The following IL31RA variants were observed in gnomAD, a reference collection of about 807,000 sequenced individuals.
IL31RA encodes interleukin-31 receptor subunit alpha.
In IL31RA, 66 loss-of-function variants were observed where a neutral mutation model predicts 83.7. That is an observed-to-expected ratio of 0.79 (90% CI 0.65 to 0.97). The LOEUF (loss-of-function observed/expected upper bound fraction) is 0.97, where lower values mean the gene tolerates loss of function less well. Among genes scored for constraint, IL31RA ranks in the 50% least tolerant of loss-of-function variants. IL31RA has a pLI of 0.00. For missense variants in IL31RA, 798 were observed against 919.4 expected, an observed-to-expected ratio of 0.87 and a Z score of 1.71; for synonymous variants, 325 against 329.0, an observed-to-expected ratio of 0.99 and a Z score of 0.13.
upstream of IL31RA, among the ~76,000 whole-genome samples, chr5:55,849,485 T>C (rs1385906644): frequency 6.6e-6 from 1 of 152,236 alleles, no homozygotes; most frequent in Non-Finnish European, 1.5e-5. Flanking sequence ...GAGCCACATA[T>C]TGGACTTTAA....
At chr5:55,904,998 G>A (rs1197545275) in intron 8 of IL31RA, among the ~76,000 whole-genome samples, 1 of 151,702 alleles carries the variant, frequency 6.6e-6, no homozygotes, top group African/African-American at 2.4e-5. Context: ...TCAGAAGTTT[G>A]AGACCAGCCT....
At chr5:55,851,306 G>A (rs964382522), upstream of IL31RA, 3 of 539,338 alleles carry the variant, frequency 5.6e-6, no homozygotes, top group Non-Finnish European at 1.0e-5. Context: ...ACAGTACTAT[G>A]ACTCATGCCT....
chr5:55,878,952 A>T (rs1747022855), intron 4 of IL31RA, among the ~76,000 whole-genome samples: 5 of 152,028 alleles, frequency 3.3e-5, no homozygotes, highest in African/African-American at 1.2e-4. Context: ...ATGCCCGGCC[A>T]CAGCTGCTTT....
intron 2 of IL31RA, among the ~76,000 whole-genome samples, chr5:55,862,588 T>C (rs542420899): frequency 1.3e-5 from 2 of 152,170 alleles, no homozygotes; most frequent in Non-Finnish European, 2.9e-5. Flanking sequence ...TTTGTATTTT[T>C]AGTAGAGATG....
intron 8 of IL31RA, among the ~76,000 whole-genome samples, chr5:55,905,396 G>A (rs1749085309): frequency 6.6e-6 from 1 of 152,096 alleles, no homozygotes; most frequent in Non-Finnish European, 1.5e-5. Flanking sequence ...TCTCTTCTGT[G>A]TGTTCGAATA....
upstream of IL31RA, among the ~76,000 whole-genome samples, chr5:55,847,234 A>AT: frequency 2.4e-5 from 1 of 42,200 alleles, no homozygotes; most frequent in African/African-American, 1.1e-4. Flanking sequence ...CAGAAAAAAA[A>AT]AAAAAAATAA....
At chr5:55,889,947 T>G (rs1443403639) in intron 5 of IL31RA, 23 bp from the exon 6 acceptor site, 4 of 1,612,940 alleles carry the variant, frequency 2.5e-6, no homozygotes, top group African/African-American at 2.7e-5. Context: ...CCATTTCAGT[T>G]TAGGATTGTC....
intron 4 of IL31RA, among the ~76,000 whole-genome samples, chr5:55,881,716 A>ATTTTTTTT (rs34217814): frequency 8.4e-5 from 5 of 59,650 alleles, no homozygotes; most frequent in African/African-American, 1.5e-4. Context: ...AGTTCCTGAG[A>ATTTTTTTT]TTTTTTTTTT....
intron 6 of IL31RA, 101 bp from the exon 7 acceptor site, chr5:55,896,249 C>T: frequency 2.5e-6 from 2 of 798,210 alleles, no homozygotes; most frequent in South Asian, 2.7e-5. Context: ...TTCCCAATGG[C>T]TCCCTCAAGC....
At chr5:55,849,246 T>C (rs1744999302), upstream of IL31RA, among the ~76,000 whole-genome samples, 1 of 151,854 alleles carries the variant, frequency 6.6e-6, no homozygotes, top group Admixed American at 6.6e-5. Flanking sequence ...TATTTCCATA[T>C]CTATAAAGAA....
chr5:55,866,404 C>G (rs187587815), intron 2 of IL31RA, among the ~76,000 whole-genome samples: 2 of 152,134 alleles, frequency 1.3e-5, no homozygotes, highest in East Asian at 3.9e-4. Context: ...CAGGATGAAA[C>G]CGTTCTACCT....
Position 55,922,515 on chromosome 5 carries a change from G to GA in IL31RA, c.*5397dup. On this transcript the variant is annotated 3_prime_UTR_variant, in exon 15 of 15. Transcript: ENST00000652347. ...GCAGAGTTTTCCAACTAGGAAGACT[G>GA]AATCTGTGGCCCCAAGAGAACCATC... 1 of 1,186,320 alleles carries GA rather than the reference G, an allele frequency of 8.4e-7. No homozygotes were observed. The highest frequency in any genetic ancestry group is 1.4e-5 in the South Asian group (1 of 71,274). 73.5% of individuals were successfully genotyped at this position (1,186,320 alleles called of 1,614,324 possible). A position where few individuals can be genotyped will look rare whatever the true frequency, so the allele number is the denominator to read the frequency against.
At chr5:55,910,813 A>G in intron 12 of IL31RA, 141 bp downstream of exon 12, 1 of 971,868 alleles carries the variant, frequency 1.0e-6, no homozygotes, top group Non-Finnish European at 1.7e-6. Flanking sequence ...CTGTTCACCA[A>G]CCTTCCTGGA....
At chr5:55,875,154 A>G (rs1746760479) in intron 4 of IL31RA, among the ~76,000 whole-genome samples, 1 of 152,168 alleles carries the variant, frequency 6.6e-6, no homozygotes, top group African/African-American at 2.4e-5. Flanking sequence ...TTTTATTAAA[A>G]TGGTGTCTTA....
intron 4 of IL31RA, among the ~76,000 whole-genome samples, chr5:55,882,198 T>C (rs1003339023): frequency 1.3e-5 from 2 of 152,230 alleles, no homozygotes; most frequent in Non-Finnish European, 2.9e-5. Context: ...AGCCCTCTCC[T>C]GTCCTTCTCA....
chr5:55,851,632 T>G lies in IL31RA; in HGVS notation c.62T>G (p.Ile21Ser), dbSNP rs142089239. 1.2e-6 allele frequency: 2 copies of G among 1,613,790 alleles called. No homozygotes were observed. Among genetic ancestry groups the G allele is most frequent in the Non-Finnish European group, 1.7e-6 (2 of 1,179,792 alleles). ...TACVCECPQN[I>S]LSPQPSCVNL... Reference sequence around the variant, plus strand: ...TGTGTCTGTGAATGTCCGCAAAACATTGTGAGTATTGATTTGGGGGGTTAC... The same window carrying G: ...TGTGTCTGTGAATGTCCGCAAAACAGTGTGAGTATTGATTTGGGGGGTTAC... Residue 21 changes from isoleucine (I) to serine (S), a missense_variant and splice_region_variant, in exon 1 of 15, where the codon ATT (isoleucine) becomes AGT (serine). By Grantham distance (142) the Ile-to-Ser change is moderately radical. Transcript: ENST00000652347.
Position 55,919,220 on chromosome 5 carries a change from G to A in IL31RA, c.*2100G>A, listed in dbSNP as rs1006671986. On this transcript the variant is annotated 3_prime_UTR_variant, in exon 15 of 15. Coordinates refer to ENST00000652347, the MANE Select transcript of IL31RA (RefSeq NM_139017.7). ...GTTCTTTCAACCCTCCTGCCCACCTGTAGTTGGGGGAATTTTCTCAAATTC... is the reference window on the plus strand; with the variant it reads ...GTTCTTTCAACCCTCCTGCCCACCTATAGTTGGGGGAATTTTCTCAAATTC... Among the ~76,000 whole-genome samples the A allele has an allele frequency of 1.4e-4, 21 of 152,188 alleles. No individual in the cohort carries two copies. Among genetic ancestry groups the A allele is most frequent in the Non-Finnish European group, 7.3e-5 (5 of 68,036 alleles).
intron 4 of IL31RA, among the ~76,000 whole-genome samples, chr5:55,881,593 C>T (rs902270071): frequency 1.3e-5 from 2 of 152,062 alleles, no homozygotes; most frequent in Non-Finnish European, 2.9e-5. Context: ...GAGTCGTACG[C>T]ATGCTCAACT....
At position 55,867,300 on chromosome 5, in the gene IL31RA, TGTGC is replaced by T. The variant is rs1561543800; in HGVS notation, c.155-1487_155-1484del. ...GTGCATGTGTGTGTGCATGTGTGTG[TGTGC>T]GTGTGTGTGTGTGCGTGTGTGTGTG... On this transcript the variant is annotated intron_variant, in intron 2 of 14. Transcript: ENST00000652347. 1.1e-4 allele frequency among the ~76,000 whole-genome samples: 9 copies of T among 80,636 alleles called. 1 individual carries two copies. Among genetic ancestry groups the T allele is most frequent in the African/African-American group, 5.9e-4 (8 of 13,546 alleles). The allele number at this position is 80,636 out of a possible 152,430, so 52.9% of individuals were successfully genotyped here. A position where few individuals can be genotyped will look rare whatever the true frequency, so the allele number is the denominator to read the frequency against.
Sources: gnomAD v4.1 joint callset for allele counts (sites outside exome capture counted in the v4.1 genomes callset) on GRCh38, gnomAD v4.1.1 for gene constraint, MANE v1.5 for transcripts, NCBI Gene and HGNC (gene_info 2026-07-23, HGNC 2026-07-21) for gene names.